The following PCDH7 variants were observed in gnomAD, a reference collection of about 807,000 sequenced individuals.
PCDH7 encodes protocadherin-7.
In PCDH7, 17 loss-of-function variants were observed where a neutral mutation model predicts 58.9. The observed-to-expected ratio is 0.29, with a 90% CI of 0.20 to 0.43. PCDH7 has a LOEUF of 0.43. PCDH7 is among the 20% of genes least tolerant of loss of function. The probability of loss-of-function intolerance (pLI) is 1.00; values close to 1 mark genes in which losing one functional copy is unlikely to be tolerated. For synonymous variants in PCDH7, 664 were observed against 616.4 expected (o/e 1.08, Z -1.14); for missense variants, 1,274 against 1,441.0 (o/e 0.88, Z 1.88).
chr4:30,813,864 A>G (rs984999173), intron 1 of PCDH7, among the ~76,000 whole-genome samples: 1 of 151,936 alleles, frequency 6.6e-6, no homozygotes, highest in African/African-American at 2.4e-5. Context: ...CTGGTCTCGA[A>G]CTCCTGACCT....
intron 1 of PCDH7, among the ~76,000 whole-genome samples, chr4:30,790,986 G>C (rs1037342563): frequency 2.4e-4 from 36 of 151,962 alleles, no homozygotes; most frequent in African/African-American, 8.7e-4. Flanking sequence ...GCTGTAGACA[G>C]AAAAAAAGGG....
At chr4:30,748,476 G>A (rs907662683) in intron 1 of PCDH7, among the ~76,000 whole-genome samples, 2 of 152,174 alleles carry the variant, frequency 1.3e-5, no homozygotes, top group Admixed American at 1.3e-4. Context: ...TCGTGAGTGA[G>A]CACATTAGAC....
Position 31,013,314 on chromosome 4 carries a change from A to T in PCDH7, c.*7+63099A>T, listed in dbSNP as rs1175724292. On this transcript the variant is annotated intron_variant, in intron 3 of 3. Coordinates refer to the PCDH7 transcript ENST00000509759. ...CATATATCTAAGACTATATATGTAT[A>T]CACACACACACATACACACATACTA... is the stretch of plus-strand genomic sequence containing the variant. Among the ~76,000 whole-genome samples, 4 of 138,816 alleles carry T rather than the reference A, an allele frequency of 2.9e-5. 1 individual carries two copies. The highest frequency in any genetic ancestry group is 4.8e-5 in the Non-Finnish European group (3 of 62,288). 91.1% of individuals were successfully genotyped at this position (138,816 alleles called of 152,430 possible).
At chr4:30,868,240 C>T (rs1323703466) in intron 1 of PCDH7, among the ~76,000 whole-genome samples, 1 of 152,060 alleles carries the variant, frequency 6.6e-6, no homozygotes, top group Non-Finnish European at 1.5e-5. Flanking sequence ...GTTTTACATA[C>T]ATCACCTCGT....
At chr4:31,091,884 T>C (rs2109285748) in intron 3 of PCDH7, among the ~76,000 whole-genome samples, 1 of 152,072 alleles carries the variant, frequency 6.6e-6, no homozygotes, top group Middle Eastern at 3.4e-3. Flanking sequence ...GCTTGCATGA[T>C]TAAAGGAAAT....
At chr4:31,138,676 A>G (rs1719901058) in intron 3 of PCDH7, among the ~76,000 whole-genome samples, 1 of 152,188 alleles carries the variant, frequency 6.6e-6, no homozygotes, top group Non-Finnish European at 1.5e-5. Flanking sequence ...GAATTGTTCT[A>G]AGATTGTTTG....
intron 3 of PCDH7, among the ~76,000 whole-genome samples, chr4:31,070,515 A>T (rs1758458976): frequency 6.6e-6 from 1 of 152,102 alleles, no homozygotes; most frequent in Non-Finnish European, 1.5e-5. Context: ...ATTGGCTAAT[A>T]AAACACAGAC....
intron 3 of PCDH7, among the ~76,000 whole-genome samples, chr4:31,122,618 CA>C (rs915235960): frequency 6.7e-6 from 1 of 149,722 alleles, no homozygotes; most frequent in Non-Finnish European, 1.5e-5. Flanking sequence ...TTTTTTTTTT[CA>C]AATGCTGATA....
At position 30,905,984 on chromosome 4, in the gene PCDH7, T is replaced by G. The variant is rs147647550; in HGVS notation, c.71-14169T>G. On this transcript the variant is annotated intron_variant, in intron 1 of 3. Coordinates refer to the PCDH7 transcript ENST00000509759. ...GGTAGGGAAGATTTAAACAAACATATTCCAAGGAACTTATCTTTGGGAATG... is the reference window on the plus strand; with the variant it reads ...GGTAGGGAAGATTTAAACAAACATAGTCCAAGGAACTTATCTTTGGGAATG... 3.0e-3 allele frequency among the ~76,000 whole-genome samples: 454 copies of G among 152,294 alleles called. 2 individuals carry two copies. Among genetic ancestry groups the G allele is most frequent in the Middle Eastern group, 0.014 (4 of 294 alleles).
chr4:31,032,851 G>T (rs1755075133), intron 3 of PCDH7, among the ~76,000 whole-genome samples: 1 of 152,126 alleles, frequency 6.6e-6, no homozygotes, highest in South Asian at 2.1e-4. Context: ...GTCATGAAAT[G>T]ATGTTTTATC....
intron 1 of PCDH7, among the ~76,000 whole-genome samples, chr4:30,900,062 C>T (rs916341624): frequency 1.3e-5 from 2 of 152,256 alleles, no homozygotes; most frequent in Admixed American, 6.5e-5. Context: ...TAAAGGACTT[C>T]TGAGTATTGA....
At position 30,992,281 on chromosome 4, in the gene PCDH7, T is replaced by G. The variant is rs555828225; in HGVS notation, c.*7+42066T>G. Among the ~76,000 whole-genome samples, 9 of 152,320 alleles carry G rather than the reference T, an allele frequency of 5.9e-5. No individual in the cohort carries two copies. The South Asian group carries it at 1.9e-3, about 32-fold the overall frequency. On this transcript the variant is annotated intron_variant, in intron 3 of 3. Transcript: ENST00000509759. The stretch of plus-strand genomic sequence containing the variant: ...ATGTCCTCTAAGGAAACTTTTATTC[T>G]TTATGGTGGCTCACAATGGATAATT...
At chr4:30,805,460 A>G (rs1410992643) in intron 1 of PCDH7, among the ~76,000 whole-genome samples, 1 of 152,250 alleles carries the variant, frequency 6.6e-6, no homozygotes, top group Non-Finnish European at 1.5e-5. Flanking sequence ...TAAGAAAGTA[A>G]AAGATATAAA....
intron 1 of PCDH7, among the ~76,000 whole-genome samples, chr4:30,759,410 C>T (rs34343083): frequency 0.3 from 45,791 of 152,016 alleles, 7,248 homozygotes; most frequent in African/African-American, 0.33. Context: ...TCTTAGAATT[C>T]GGTGAATCGG....
At chr4:30,886,001 C>A (rs1343718421) in intron 1 of PCDH7, among the ~76,000 whole-genome samples, 1 of 151,326 alleles carries the variant, frequency 6.6e-6, no homozygotes, top group African/African-American at 2.4e-5. Context: ...AAACGTTAGA[C>A]CTAAAACCAT....
intron 3 of PCDH7, among the ~76,000 whole-genome samples, chr4:31,003,115 A>C (rs1752485170): frequency 6.6e-6 from 1 of 152,210 alleles, no homozygotes; most frequent in African/African-American, 2.4e-5. Flanking sequence ...AAATTTCTTT[A>C]AAAATACTTA....
chr4:30,920,244 A>G, exon 2 of PCDH7: 1 of 1,367,684 alleles, frequency 7.3e-7, no homozygotes, highest in Non-Finnish European at 9.8e-7. Context: ...GGGCTGGAGG[A>G]GTCAGAAACA....
rs374362336 is a variant in PCDH7 at position 30,874,373 on chromosome 4, T to C, written c.71-45780T>C. ...TGGAATACTATGCAGCCATAAAAAA[T>C]GATGAGTTCATGTCCAATTTCATGG... On this transcript the variant is annotated intron_variant, in intron 1 of 3. Transcript: ENST00000509759. Among the ~76,000 whole-genome samples the C allele has an allele frequency of 7.9e-5, 12 of 152,184 alleles. No individual in the cohort carries two copies. The East Asian group carries it at 2.3e-3, about 30-fold the overall frequency.
chr4:31,063,110 T>A lies in PCDH7; in HGVS notation c.*8-79363T>A, dbSNP rs149890843. On this transcript the variant is annotated intron_variant, in intron 3 of 3. Coordinates refer to the PCDH7 transcript ENST00000509759. ...TTAACAAGAAAGTCTTTGTCAAGCC[T>A]CTGAACCTCAAGCATAACTGAAAGT... Among the ~76,000 whole-genome samples, 6 of 151,994 alleles carry A rather than the reference T, an allele frequency of 3.9e-5. No individual in the cohort carries two copies. The East Asian group carries it at 1.2e-3, about 30-fold the overall frequency.
Sources: allele counts gnomAD v4.1 joint callset (sites outside exome capture counted in the v4.1 genomes callset), GRCh38; gene constraint gnomAD v4.1.1; transcripts MANE v1.5; gene names NCBI Gene and HGNC (gene_info 2026-07-23, HGNC 2026-07-21).